The following CCDC69 variants were observed in gnomAD, a reference collection of about 807,000 sequenced individuals.
CCDC69 encodes coiled-coil domain-containing protein 69.
Under a neutral mutation model 40.3 loss-of-function variants are expected in CCDC69, and 38 were observed. The observed-to-expected ratio is 0.94, with a 90% CI of 0.73 to 1.24. The LOEUF (loss-of-function observed/expected upper bound fraction) is 1.24, where lower values mean the gene tolerates loss of function less well. Among genes scored for constraint, CCDC69 ranks in the 50% most tolerant of loss-of-function variants. The pLI is 0.00. For missense variants in CCDC69, 389 were observed against 357.9 expected (o/e 1.09, Z -0.70); for synonymous variants, 141 against 138.9 (o/e 1.02, Z -0.11).
chr5:151,207,331 A>G (rs538142427), intron 1 of CCDC69, among the ~76,000 whole-genome samples: 1 of 150,996 alleles, frequency 6.6e-6, no homozygotes, highest in East Asian at 2.0e-4. Context: ...TCGCTCTGTC[A>G]CCCAGGCTGG....
intron 4 of CCDC69, among the ~76,000 whole-genome samples, chr5:151,198,246 G>A (rs248451): frequency 0.89 from 135,804 of 152,132 alleles, 60,935 homozygotes; most frequent in Admixed American, 0.94. Context: ...TAAGCAGTGG[G>A]GCTGAAGTTT....
At chr5:151,223,203 G>A (rs993936761) in intron 1 of CCDC69, among the ~76,000 whole-genome samples, 1 of 152,172 alleles carries the variant, frequency 6.6e-6, no homozygotes, top group African/African-American at 2.4e-5. Flanking sequence ...CAAGAAACCT[G>A]AGAATTGTCC....
Position 151,184,371 on chromosome 5 carries a change from C to T in CCDC69, c.686G>A (p.Arg229Gln), listed in dbSNP as rs761366082. Residue 229 changes from arginine (R) to glutamine (Q), a missense_variant, in exon 8 of 9, where the codon CGA (arginine) becomes CAA (glutamine). Coordinates refer to ENST00000355417, the MANE Select transcript of CCDC69 (RefSeq NM_015621.3). The stretch of plus-strand genomic sequence containing the variant: ...TGACAGGACCACCTGGTTGCGGCTT[C>T]GGACATGGAGGTCCTCATTTTCCTG... ...LQQENEDLHVRSRNQVVLSRQ... is the reference protein window; with the variant it reads ...LQQENEDLHVQSRNQVVLSRQ... 36 of 1,613,900 alleles carry T rather than the reference C, an allele frequency of 2.2e-5. No homozygotes were observed. Among genetic ancestry groups the T allele is most frequent in the East Asian group, 2.2e-5 (1 of 44,902 alleles).
chr5:151,184,533 A>C, intron 7 of CCDC69, 92 bp from the exon 8 acceptor site: 2 of 788,156 alleles, frequency 2.5e-6, no homozygotes, highest in Non-Finnish European at 4.4e-6. Context: ...CACTGAAAGC[A>C]CTGATTCATT....
intron 1 of CCDC69, among the ~76,000 whole-genome samples, chr5:151,205,682 C>A (rs1020285057): frequency 2.6e-5 from 4 of 152,182 alleles, no homozygotes; most frequent in African/African-American, 9.7e-5. Flanking sequence ...ACTTCTCATC[C>A]CTGTCAGGGA....
intron 7 of CCDC69, 171 bp downstream of exon 7, chr5:151,185,251 C>T (rs1249513683): frequency 5.1e-5 from 34 of 661,206 alleles, no homozygotes; most frequent in Admixed American, 1.5e-4. Context: ...CACTGCTTGA[C>T]CCAGCCTGGC....
In CCDC69 at chr5:151,184,342, AC is replaced by A; in HGVS notation, c.713+1del. ...GAGTAAAGGAGGCAGGAAGACAGCTACCTTGACAGGACCACCTGGTTGCGGC... is the reference window on the plus strand; with the variant it reads ...GAGTAAAGGAGGCAGGAAGACAGCTACTTGACAGGACCACCTGGTTGCGGC... On this transcript the variant is annotated splice_donor_variant, in intron 8 of 8. Coordinates refer to ENST00000355417, the MANE Select transcript of CCDC69 (RefSeq NM_015621.3). LOFTEE classifies it high-confidence loss of function. 1 of 1,612,150 alleles carries A rather than the reference AC, an allele frequency of 6.2e-7. No homozygotes were observed. Among genetic ancestry groups the A allele is most frequent in the South Asian group, 1.1e-5 (1 of 91,034 alleles).
chr5:151,198,946 A>G, intron 4 of CCDC69, 51 bp downstream of exon 4: 2 of 1,428,674 alleles, frequency 1.4e-6, no homozygotes, highest in Non-Finnish European at 9.9e-7. Context: ...AGGTGGGGCC[A>G]GAAGGAAGCA....
chr5:151,184,647 A>G (rs777354629), intron 7 of CCDC69: 1 of 493,408 alleles, frequency 2.0e-6, no homozygotes, highest in Non-Finnish European at 3.6e-6. Context: ...GAGAATGGTA[A>G]AAAAAAATTA....
chr5:151,205,420 C>G lies in CCDC69; in HGVS notation c.104G>C (p.Gly35Ala), dbSNP rs114290039. Residue 35 changes from glycine (G) to alanine (A), a missense_variant, in exon 2 of 9, where the codon GGT (glycine) becomes GCT (alanine). By Grantham distance (60) the Gly-to-Ala change is moderately conservative (BLOSUM62 0). Coordinates refer to ENST00000355417, the MANE Select transcript of CCDC69 (RefSeq NM_015621.3). ...CTCACCTGTGTCCCCATTGAGGGGA[C>G]CTAATTCATGGGGCTCTGGTCTGGG... Reference protein sequence around the residue: ...QPPRPEPHELGPLNGDTAITV... With the variant: ...QPPRPEPHELAPLNGDTAITV... 1,936 of 1,614,036 alleles carry G rather than the reference C, an allele frequency of 1.2e-3. 23 individuals are homozygous for G. In the East Asian group the frequency reaches 0.027, roughly 23 times the overall value.
intron 7 of CCDC69, 168 bp downstream of exon 7, chr5:151,185,254 A>C: frequency 1.5e-6 from 1 of 676,320 alleles, no homozygotes; most frequent in South Asian, 1.7e-5. Flanking sequence ...TGCTTGACCC[A>C]GCCTGGCCAC....
chr5:151,187,471 G>A lies in CCDC69; in HGVS notation c.320-12C>T. 3 of 1,609,286 alleles carry A rather than the reference G, an allele frequency of 1.9e-6. No individual in the cohort carries two copies. The highest frequency in any genetic ancestry group is 2.5e-6 in the Non-Finnish European group (3 of 1,178,434). ...TGAGGCCCGGAGGACTGTAGGGAAA[G>A]GAGAACTCCATAAGCTCAAGACACT... is the stretch of plus-strand genomic sequence containing the variant. On this transcript the variant is annotated splice_polypyrimidine_tract_variant and intron_variant, in intron 4 of 8. Coordinates refer to ENST00000355417, the MANE Select transcript of CCDC69 (RefSeq NM_015621.3).
rs759212905 is a variant in CCDC69 at position 151,185,486 on chromosome 5, A to T, written c.551T>A (p.Val184Asp). The part of the protein sequence containing the change: ...WEQELESLHF[V>D]IEMKNERIHE... ...AATACGCTCATTCTTCATCTCGATGACAAAGTGTAAGCTCTCCAGCTCCTG... is the reference window on the plus strand; with the variant it reads ...AATACGCTCATTCTTCATCTCGATGTCAAAGTGTAAGCTCTCCAGCTCCTG... The change falls in exon 7 of 9, where the codon GTC becomes GAC. Residue 184 changes from valine (V) to aspartate (D), a missense_variant. Physicochemically the swap from Val to Asp is radical, Grantham distance 152. Coordinates refer to ENST00000355417, the MANE Select transcript of CCDC69 (RefSeq NM_015621.3). 1 of 1,613,938 alleles carries T rather than the reference A, an allele frequency of 6.2e-7. No homozygotes were observed. The highest frequency in any genetic ancestry group is 8.5e-7 in the Non-Finnish European group (1 of 1,179,942).
At chr5:151,186,540 C>T (rs1582038566) in intron 5 of CCDC69, among the ~76,000 whole-genome samples, 2 of 152,054 alleles carry the variant, frequency 1.3e-5, no homozygotes, top group South Asian at 4.1e-4. Context: ...GCTCCCCATA[C>T]TGCAGGGAAC....
intron 1 of CCDC69, among the ~76,000 whole-genome samples, chr5:151,208,734 C>A (rs1752887770): frequency 6.6e-6 from 1 of 152,242 alleles, no homozygotes; most frequent in Admixed American, 6.5e-5. Context: ...TTCCTTGTTG[C>A]CACGACTGAT....
chr5:151,208,691 G>A (rs1030993671), intron 1 of CCDC69, among the ~76,000 whole-genome samples: 2 of 152,274 alleles, frequency 1.3e-5, no homozygotes, highest in African/African-American at 4.8e-5. Flanking sequence ...CTGGGCTGGA[G>A]GAAGAAGGGA....
intron 4 of CCDC69, among the ~76,000 whole-genome samples, chr5:151,198,180 T>C (rs897639458): frequency 2.6e-5 from 4 of 152,176 alleles, no homozygotes; most frequent in Non-Finnish European, 5.9e-5. Context: ...ATTGTTTAAT[T>C]CTTACAAACA....
chr5:151,199,164 G>A (rs1418758730), intron 3 of CCDC69, 80 bp from the exon 4 acceptor site: 12 of 1,136,616 alleles, frequency 1.1e-5, no homozygotes, highest in South Asian at 2.5e-5. Context: ...CTGGGCCTAC[G>A]TGGAACTTGG....
chr5:151,185,511 G>A lies in CCDC69; in HGVS notation c.526C>T (p.Gln176Ter). Residue 176 changes from glutamine (Q) to a stop codon, truncating the protein, a stop_gained, in exon 7 of 9, where the codon CAG becomes TAG. Transcript: ENST00000355417. LOFTEE classifies it high-confidence loss of function. ...DYGSPSQFWE[Q>*]ELESLHFVIE... ...ACAAAGTGTAAGCTCTCCAGCTCCT[G>A]CTCCCAGAACTGGCTGGGGCTCCCA... is the stretch of plus-strand genomic sequence containing the variant. The A allele has an allele frequency of 6.2e-7, 1 of 1,614,022 alleles. No homozygotes were observed. Among genetic ancestry groups the A allele is most frequent in the Non-Finnish European group, 8.5e-7 (1 of 1,179,930 alleles).
Sources: allele counts gnomAD v4.1 joint callset (sites outside exome capture counted in the v4.1 genomes callset), GRCh38; gene constraint gnomAD v4.1.1; transcripts MANE v1.5; gene names NCBI Gene and HGNC (gene_info 2026-07-23, HGNC 2026-07-21).